The following PXT1 variants were observed in gnomAD, a reference collection of about 807,000 sequenced individuals.
PXT1 encodes peroxisomal testis enriched protein 1, also known as peroxisomal testis-specific protein 1.
Under a neutral mutation model 11.0 loss-of-function variants are expected in PXT1, and 11 were observed. That is an observed-to-expected ratio of 1.00 (90% CI 0.63 to 1.66). The LOEUF (loss-of-function observed/expected upper bound fraction) is 1.66, where lower values mean the gene tolerates loss of function less well. Among genes scored for constraint, PXT1 ranks in the 40% most tolerant of loss-of-function variants. PXT1 has a pLI of 0.00. For missense variants in PXT1, 141 were observed against 155.5 expected (o/e 0.91, Z 0.49); for synonymous variants, 43 against 51.4 (o/e 0.84, Z 0.70).
At chr6:36,423,108 C>A (rs1344962646) in intron 3 of PXT1, among the ~76,000 whole-genome samples, 2 of 152,068 alleles carry the variant, frequency 1.3e-5, no homozygotes, top group East Asian at 1.9e-4. Context: ...ATGTGTAGAG[C>A]GCCCCCAAAG....
intron 3 of PXT1, among the ~76,000 whole-genome samples, chr6:36,406,864 C>T (rs1166200052): frequency 6.6e-6 from 1 of 151,586 alleles, no homozygotes; most frequent in African/African-American, 2.4e-5. Context: ...CAGCCTGCCT[C>T]AGAGCCCAAG....
intron 2 of PXT1, among the ~76,000 whole-genome samples, chr6:36,437,056 T>C (rs1172986857): frequency 6.6e-6 from 1 of 151,928 alleles, no homozygotes; most frequent in Non-Finnish European, 1.5e-5. Flanking sequence ...GAGGCTGAGG[T>C]GGGCGGATCA....
At position 36,426,075 on chromosome 6, in the gene PXT1, T is replaced by G; in HGVS notation, c.8A>C (p.Lys3Thr). ...TTCATAAACAATGCCATCATGTTTT[T>G]TCTTCATGTTTTTTCCCTGTTGAAA... The part of the protein sequence containing the change: MK[K>T]KHDGIVYETK... Residue 3 changes from lysine (K) to threonine (T), a missense_variant, in exon 3 of 5, where the codon AAA becomes ACA. Lys to Thr is a moderately conservative substitution (Grantham distance 78). Transcript: ENST00000454782. The G allele has an allele frequency of 6.6e-7, 1 of 1,508,988 alleles. No individual in the cohort carries two copies. The highest frequency in any genetic ancestry group is 1.3e-5 in the South Asian group (1 of 78,102). The allele number at this position is 1,508,988 out of a possible 1,614,324, so 93.5% of individuals were successfully genotyped here.
At chr6:36,434,903 A>G (rs1307827927) in intron 2 of PXT1, among the ~76,000 whole-genome samples, 8 of 152,252 alleles carry the variant, frequency 5.3e-5, no homozygotes, top group Non-Finnish European at 1.0e-4. Flanking sequence ...CTGAAATGTT[A>G]TAATTTTCTC....
At chr6:36,395,698 G>T (rs1416596503) in intron 4 of PXT1, among the ~76,000 whole-genome samples, 1 of 151,846 alleles carries the variant, frequency 6.6e-6, no homozygotes, top group East Asian at 1.9e-4. Context: ...ATGTGTTGTG[G>T]TCTATTTAAA....
intron 1 of PXT1, among the ~76,000 whole-genome samples, chr6:36,441,544 T>C (rs1774864707): frequency 6.6e-6 from 1 of 152,158 alleles, no homozygotes; most frequent in Non-Finnish European, 1.5e-5. Context: ...TTCTCCAATC[T>C]AGCTCTTCTG....
At chr6:36,404,038 G>A (rs985429704) in intron 3 of PXT1, among the ~76,000 whole-genome samples, 7 of 152,078 alleles carry the variant, frequency 4.6e-5, no homozygotes, top group African/African-American at 1.7e-4. Context: ...AGTTTATAAG[G>A]GTGATGACAG....
At chr6:36,428,870 G>A (rs1438465547) in intron 2 of PXT1, among the ~76,000 whole-genome samples, 5 of 151,898 alleles carry the variant, frequency 3.3e-5, no homozygotes, top group Non-Finnish European at 1.5e-5. Context: ...TGTCCAGGCT[G>A]GTCTCGGACT....
At chr6:36,441,583 C>A (rs1025942591) in intron 1 of PXT1, among the ~76,000 whole-genome samples, 1 of 152,108 alleles carries the variant, frequency 6.6e-6, no homozygotes, top group African/African-American at 2.4e-5. Context: ...GAGGGCAGAG[C>A]CACTGACGCA....
chr6:36,410,772 C>T (rs1712101421), intron 3 of PXT1, among the ~76,000 whole-genome samples: 1 of 152,170 alleles, frequency 6.6e-6, no homozygotes, highest in Admixed American at 6.5e-5. Flanking sequence ...GAGCCAGAAA[C>T]TAACTCATCT....
At position 36,394,481 on chromosome 6, in the gene PXT1, G is replaced by A. The variant is rs113520964; in HGVS notation, c.301-2607C>T. Among the ~76,000 whole-genome samples the A allele has an allele frequency of 3.0e-3, 452 of 152,176 alleles. 4 individuals are homozygous for A. Among genetic ancestry groups the A allele is most frequent in the Non-Finnish European group, 5.3e-3 (362 of 68,004 alleles). Reference sequence around the variant, plus strand: ...TGGCACACCCAAATTAGGCTAATTCGAGGTGAGTTAAATAAAGAGACTCTA... The same window carrying A: ...TGGCACACCCAAATTAGGCTAATTCAAGGTGAGTTAAATAAAGAGACTCTA... On this transcript the variant is annotated intron_variant, in intron 4 of 4. Coordinates refer to ENST00000454782, the MANE Select transcript of PXT1 (RefSeq NM_152990.4).
intron 2 of PXT1, among the ~76,000 whole-genome samples, chr6:36,437,328 G>A (rs1448194225): frequency 6.6e-6 from 1 of 151,698 alleles, no homozygotes; most frequent in African/African-American, 2.4e-5. Flanking sequence ...AATTTAATAG[G>A]TAGAGTCAGG....
chr6:36,408,517 T>C (rs1000773447), intron 3 of PXT1, among the ~76,000 whole-genome samples: 3 of 151,388 alleles, frequency 2.0e-5, no homozygotes, highest in Admixed American at 1.3e-4. Context: ...CGTTAGCCTC[T>C]CAAAGTACTG....
intron 3 of PXT1, among the ~76,000 whole-genome samples, chr6:36,410,299 A>C (rs1774354002): frequency 6.6e-6 from 1 of 152,140 alleles, no homozygotes; most frequent in African/African-American, 2.4e-5. Context: ...AAAAATACAA[A>C]ATTAGCCTGG....
At chr6:36,424,415 G>T (rs1004015539) in intron 3 of PXT1, among the ~76,000 whole-genome samples, 2 of 152,134 alleles carry the variant, frequency 1.3e-5, no homozygotes, top group African/African-American at 4.8e-5. Flanking sequence ...ACCGAGGCGG[G>T]CAGATCACGA....
intron 3 of PXT1, among the ~76,000 whole-genome samples, chr6:36,419,824 G>A (rs1774498360): frequency 6.6e-6 from 1 of 152,112 alleles, no homozygotes; most frequent in Non-Finnish European, 1.5e-5. Flanking sequence ...AAAGCTCCCG[G>A]TTTAGAACCA....
At chr6:36,439,700 C>T (rs1318654330) in intron 1 of PXT1, among the ~76,000 whole-genome samples, 2 of 148,968 alleles carry the variant, frequency 1.3e-5, no homozygotes, top group Admixed American at 6.7e-5. Context: ...AAGAATGAGA[C>T]TTGTGTGTTC....
At chr6:36,416,906 C>G (rs1410445990) in intron 3 of PXT1, among the ~76,000 whole-genome samples, 1 of 152,114 alleles carries the variant, frequency 6.6e-6, no homozygotes, top group Non-Finnish European at 1.5e-5. Flanking sequence ...ATAGAAGGCT[C>G]CAGAAGACTG....
rs116464557 is a variant in PXT1 at position 36,415,046 on chromosome 6, G to A, written c.169+10868C>T. 8.2e-3 allele frequency among the ~76,000 whole-genome samples: 1,254 copies of A among 152,158 alleles called. 16 individuals carry two copies. Among genetic ancestry groups the A allele is most frequent in the African/African-American group, 0.029 (1,198 of 41,504 alleles). On this transcript the variant is annotated intron_variant, in intron 3 of 4. Transcript: ENST00000454782. ...AAATGTTTAATTCTTAACAATCTTT[G>A]GTCTGAATAATAATTTCGAAATAAT...
Sources: allele counts gnomAD v4.1 joint callset (sites outside exome capture counted in the v4.1 genomes callset), GRCh38; gene constraint gnomAD v4.1.1; transcripts MANE v1.5; gene names NCBI Gene and HGNC (gene_info 2026-07-23, HGNC 2026-07-21).